Variants in ARHGAP26 observed in about 807,000 individuals in gnomAD.
ARHGAP26 encodes rho GTPase-activating protein 26.
Under a neutral mutation model 104.8 loss-of-function variants are expected in ARHGAP26, and 38 were observed. That is an observed-to-expected ratio of 0.36 (90% CI 0.28 to 0.48). ARHGAP26 has a LOEUF of 0.48. Among genes scored for constraint, ARHGAP26 ranks in the 20% least tolerant of loss-of-function variants. The pLI is 0.99. For missense variants in ARHGAP26, 704 were observed against 947.9 expected, an observed-to-expected ratio of 0.74 and a Z score of 3.38; for synonymous variants, 341 against 340.0, an observed-to-expected ratio of 1.00 and a Z score of -0.03.
chr5:142,977,079 C>T lies in ARHGAP26; in HGVS notation c.1108-37001C>T, dbSNP rs183785531. On this transcript the variant is annotated intron_variant, in intron 11 of 22. Coordinates refer to ENST00000645722, the MANE Select transcript of ARHGAP26 (RefSeq NM_001135608.3). The stretch of plus-strand genomic sequence containing the variant: ...CATATGCTAGCCCTGGGGTTAGCTC[C>T]GCCCAACCACACAGACAGAGCTGAG... 7.9e-5 allele frequency among the ~76,000 whole-genome samples: 12 copies of T among 152,290 alleles called. No homozygotes were observed. The East Asian group carries it at 2.1e-3, about 27-fold the overall frequency.
In ARHGAP26 at chr5:142,791,141, C is replaced by T. The variant is rs139679794; in HGVS notation, c.154+20226C>T. Among the ~76,000 whole-genome samples the T allele has an allele frequency of 4.4e-3, 665 of 150,606 alleles. 5 individuals are homozygous for T. Among genetic ancestry groups the T allele is most frequent in the African/African-American group, 0.016 (637 of 40,502 alleles). On this transcript the variant is annotated intron_variant, in intron 1 of 22. Coordinates refer to ENST00000645722, the MANE Select transcript of ARHGAP26 (RefSeq NM_001135608.3). ...GTTGCCAGGCTGGAGTGTAGTGGCA[C>T]GATCTCGGCTTACTGCAACCTCCAC... is the stretch of plus-strand genomic sequence containing the variant.
chr5:143,186,652 T>C (rs1805179819), intron 20 of ARHGAP26, among the ~76,000 whole-genome samples: 1 of 152,156 alleles, frequency 6.6e-6, no homozygotes, highest in East Asian at 1.9e-4. Flanking sequence ...CATGTGAACA[T>C]GAAATTTTGA....
intron 1 of ARHGAP26, among the ~76,000 whole-genome samples, chr5:142,805,804 T>C (rs1283480862): frequency 6.6e-6 from 1 of 152,200 alleles, no homozygotes; most frequent in Non-Finnish European, 1.5e-5. Flanking sequence ...TTCCTTTCTT[T>C]GCATATTTGG....
intron 17 of ARHGAP26, among the ~76,000 whole-genome samples, chr5:143,112,722 G>A (rs1368612543): frequency 6.6e-6 from 1 of 152,152 alleles, no homozygotes; most frequent in East Asian, 1.9e-4. Context: ...TTGTCTGTCT[G>A]TGACTGGCTT....
intron 11 of ARHGAP26, among the ~76,000 whole-genome samples, chr5:142,973,197 C>T (rs1319037067): frequency 6.6e-6 from 1 of 152,050 alleles, no homozygotes; most frequent in Non-Finnish European, 1.5e-5. Flanking sequence ...GGTGGAAAAG[C>T]TAAGATAGAT....
intron 20 of ARHGAP26, among the ~76,000 whole-genome samples, chr5:143,180,318 G>T (rs1234848217): frequency 6.6e-6 from 1 of 152,054 alleles, no homozygotes; most frequent in African/African-American, 2.4e-5. Context: ...TAGAGACGGG[G>T]TTTCACCATG....
chr5:143,056,986 A>G (rs772794007), intron 16 of ARHGAP26, among the ~76,000 whole-genome samples: 1 of 152,198 alleles, frequency 6.6e-6, no homozygotes, highest in Non-Finnish European at 1.5e-5. Flanking sequence ...TAAACCTCAC[A>G]TCAGTTCTAT....
intron 1 of ARHGAP26, among the ~76,000 whole-genome samples, chr5:142,798,995 A>G (rs1173611736): frequency 1.3e-5 from 2 of 152,158 alleles, no homozygotes; most frequent in African/African-American, 4.8e-5. Flanking sequence ...TGGGCATGGA[A>G]ACAGCCCTGT....
chr5:143,156,874 C>T (rs56238527), intron 20 of ARHGAP26, among the ~76,000 whole-genome samples: 63 of 152,330 alleles, frequency 4.1e-4, no homozygotes, highest in South Asian at 1.2e-3. Context: ...CATCTCCCCC[C>T]AAAAGCCCAG....
chr5:142,840,167 G>A (rs1028539343), intron 1 of ARHGAP26, among the ~76,000 whole-genome samples: 4 of 152,114 alleles, frequency 2.6e-5, no homozygotes, highest in Non-Finnish European at 5.9e-5. Flanking sequence ...GTTCATTCAA[G>A]GACTGGGTAG....
chr5:142,917,862 CTT>C (rs918880977), intron 10 of ARHGAP26, among the ~76,000 whole-genome samples: 2 of 146,430 alleles, frequency 1.4e-5, no homozygotes, highest in African/African-American at 2.5e-5. Flanking sequence ...AGGTGACACT[CTT>C]TTTTTTTTTA....
At chr5:143,004,317 A>G (rs1423368862) in intron 11 of ARHGAP26, among the ~76,000 whole-genome samples, 1 of 152,174 alleles carries the variant, frequency 6.6e-6, no homozygotes, top group Non-Finnish European at 1.5e-5. Flanking sequence ...AGTTTGCTTT[A>G]ACACAGACCT....
rs941468073 is a variant in ARHGAP26 at position 143,105,620 on chromosome 5, T to G, written c.1539-15368T>G. On this transcript the variant is annotated intron_variant, in intron 17 of 22. Coordinates refer to ENST00000645722, the MANE Select transcript of ARHGAP26 (RefSeq NM_001135608.3). Reference sequence around the variant, plus strand: ...GGACATGTGTGTACAGGTATATAAGTACATGTGTCATAGCCTTGGTACAGG... The same window carrying G: ...GGACATGTGTGTACAGGTATATAAGGACATGTGTCATAGCCTTGGTACAGG... 7.4e-4 allele frequency among the ~76,000 whole-genome samples: 112 copies of G among 152,318 alleles called. 1 individual carries two copies. Among genetic ancestry groups the G allele is most frequent in the African/African-American group, 2.5e-3 (105 of 41,570 alleles).
chr5:142,868,396 CACAG>C (rs1754704314), intron 1 of ARHGAP26, among the ~76,000 whole-genome samples: 1 of 152,058 alleles, frequency 6.6e-6, no homozygotes, highest in African/African-American at 2.4e-5. Context: ...GGGAAGCCAT[CACAG>C]GGCTCACTGC....
intron 20 of ARHGAP26, among the ~76,000 whole-genome samples, chr5:143,199,745 C>G (rs942672719): frequency 4.6e-5 from 7 of 152,214 alleles, no homozygotes; most frequent in Non-Finnish European, 1.0e-4. Flanking sequence ...GGGCCACTGC[C>G]TGGCAGAGAC....
chr5:142,817,348 G>A (rs1349322962), intron 1 of ARHGAP26, among the ~76,000 whole-genome samples: 1 of 152,182 alleles, frequency 6.6e-6, no homozygotes, highest in Non-Finnish European at 1.5e-5. Flanking sequence ...TTGAAAACAA[G>A]GGAGAGAGAA....
intron 1 of ARHGAP26, among the ~76,000 whole-genome samples, chr5:142,803,935 C>G (rs1347341096): frequency 6.6e-6 from 1 of 152,186 alleles, no homozygotes; most frequent in Non-Finnish European, 1.5e-5. Flanking sequence ...ACAACACTTC[C>G]TTTGTGACTT....
chr5:142,942,481 A>C (rs1766510615), intron 11 of ARHGAP26, among the ~76,000 whole-genome samples: 1 of 152,204 alleles, frequency 6.6e-6, no homozygotes, highest in African/African-American at 2.4e-5. Flanking sequence ...CAGTAATGCT[A>C]CATGGATTTC....
intron 12 of ARHGAP26, among the ~76,000 whole-genome samples, chr5:143,028,963 G>A (rs756320507): frequency 1.3e-5 from 2 of 152,172 alleles, no homozygotes. Flanking sequence ...TGCACACCCA[G>A]ATAATTAAGA....
Sources: allele counts gnomAD v4.1 joint callset (sites outside exome capture counted in the v4.1 genomes callset), GRCh38; gene constraint gnomAD v4.1.1; transcripts MANE v1.5; gene names NCBI Gene and HGNC (gene_info 2026-07-23, HGNC 2026-07-21).